The following HYDIN variants were observed in gnomAD, a reference collection of about 807,000 sequenced individuals.
HYDIN encodes axonemal central pair apparatus protein HYDIN.
In HYDIN, 132 loss-of-function variants were observed where a neutral mutation model predicts 403.9. The ratio of observed to expected loss-of-function variants is 0.33; its 90% confidence interval spans 0.28 to 0.38. HYDIN has a LOEUF of 0.38. HYDIN is among the 10% of genes least tolerant of loss of function. The pLI is 1.00. For synonymous variants in HYDIN, 1,202 were observed against 1,891.7 expected, an observed-to-expected ratio of 0.64 and a Z score of 9.46; for missense variants, 2,827 against 5,009.5, an observed-to-expected ratio of 0.56 and a Z score of 13.15.
intron 67 of HYDIN, among the ~76,000 whole-genome samples, chr16:70,864,796 G>GT (rs1218254177): frequency 6.6e-5 from 10 of 152,324 alleles, no homozygotes; most frequent in African/African-American, 2.4e-4. Context: ...GGGCCAGATA[G>GT]TAAGTTTTTT....
Position 70,882,821 on chromosome 16 carries a change from G to A in HYDIN, c.10054C>T (p.Leu3352=). The A allele has an allele frequency of 6.5e-7, 1 of 1,528,556 alleles. No homozygotes were observed. The highest frequency in any genetic ancestry group is 9.1e-7 in the Non-Finnish European group (1 of 1,101,926). 94.7% of individuals were successfully genotyped at this position (1,528,556 alleles called of 1,614,324 possible). ...AGCCCCCCGCTCTCTATGGTCTGCA[G>A]GATGTGGTGCAGGTTGGCACTGGTA... is the stretch of plus-strand genomic sequence containing the variant. ...ICTSANLHHI[L]QTIESGGLFV... The change falls in exon 60 of 86, where the codon CTG becomes TTG. Residue 3352 remains leucine, a synonymous_variant. Coordinates refer to ENST00000393567, the MANE Select transcript of HYDIN (RefSeq NM_001270974.2).
chr16:71,039,076 G>C (rs1008075840), intron 18 of HYDIN, among the ~76,000 whole-genome samples: 3 of 151,192 alleles, frequency 2.0e-5, no homozygotes, highest in Admixed American at 2.0e-4. Context: ...AGCTTTACAC[G>C]GGAGGCAATT....
At chr16:71,048,296 T>G (rs2081517953) in intron 18 of HYDIN, among the ~76,000 whole-genome samples, 1 of 144,412 alleles carries the variant, frequency 6.9e-6, no homozygotes, top group South Asian at 2.2e-4. Context: ...AGTGCTGCAG[T>G]AAGAATGTGG....
At chr16:71,027,389 T>C (rs1022217) in intron 20 of HYDIN, 5 of 1,438,968 alleles carry the variant, frequency 3.5e-6, no homozygotes, top group South Asian at 1.5e-5. Flanking sequence ...TCCTTTAAGA[T>C]TGGGTTCACA....
intron 23 of HYDIN, among the ~76,000 whole-genome samples, chr16:71,004,287 C>A (rs138360982): frequency 3.1e-3 from 459 of 149,322 alleles, no homozygotes; most frequent in African/African-American, 0.011. Context: ...GCACTCCATC[C>A]TGGGCAACAA....
In HYDIN at chr16:70,898,750, T is replaced by TC. The variant is rs1378546673; in HGVS notation, c.9048+2253_9048+2254insG. 2.0e-5 allele frequency among the ~76,000 whole-genome samples: 3 copies of TC among 151,328 alleles called. No individual in the cohort carries two copies. In the East Asian group the frequency reaches 5.8e-4, roughly 29 times the overall value. ...ATGTCAAAGAATCAGTTCAAGTATT[T>TC]TTTTTTTTTTTGAGACAGAGTCTTG... On this transcript the variant is annotated intron_variant, in intron 53 of 85. Transcript: ENST00000393567.
chr16:70,824,921 C>T (rs1404417154), intron 83 of HYDIN, among the ~76,000 whole-genome samples: 1 of 151,876 alleles, frequency 6.6e-6, no homozygotes, highest in Non-Finnish European at 1.5e-5. Flanking sequence ...GTCACCTCAG[C>T]TCACTGCAAC....
rs1616432 is a variant in HYDIN, at chr16:70,938,798, T to C, written c.6854-43A>G. 1.2e-3 allele frequency: 1,888 copies of C among 1,607,720 alleles called. 9 individuals are homozygous for C. Among genetic ancestry groups the C allele is most frequent in the African/African-American group, 9.1e-3 (677 of 74,644 alleles). On this transcript the variant is annotated intron_variant, in intron 43 of 85. Coordinates refer to ENST00000393567, the MANE Select transcript of HYDIN (RefSeq NM_001270974.2). ...ACGGGAAGGTGAGGAAAAGTCCTTC[T>C]CAGTCTCGCTAGCAGCCTAAGCAGG...
chr16:71,100,362 G>A (rs577584138), intron 10 of HYDIN, among the ~76,000 whole-genome samples: 55 of 152,210 alleles, frequency 3.6e-4, no homozygotes, highest in South Asian at 2.5e-3. Context: ...TAAACAAAAC[G>A]CCAGCAGGTA....
At position 70,991,349 on chromosome 16, in the gene HYDIN, C is replaced by T. The variant is rs1237614701; in HGVS notation, c.3833G>A (p.Arg1278Lys). Residue 1278 changes from arginine (R) to lysine (K), a missense_variant, in exon 25 of 86, where the codon AGA (arginine) becomes AAA (lysine). Coordinates refer to ENST00000393567, the MANE Select transcript of HYDIN (RefSeq NM_001270974.2). ...GATCACACTGGAAGCTTTCGTTTTTCTTAGTTCTTTTTCTTCAGGCCTGGC... is the reference window on the plus strand; with the variant it reads ...GATCACACTGGAAGCTTTCGTTTTTTTTAGTTCTTTTTCTTCAGGCCTGGC... ...EDARPEEKEL[R>K]KTKASSVISD... 12 of 1,613,762 alleles carry T rather than the reference C, an allele frequency of 7.4e-6. 1 individual carries two copies. In the South Asian group the frequency reaches 1.3e-4, roughly 18 times the overall value.
At chr16:70,900,717 G>GCTCA (rs769084219) in intron 53 of HYDIN, among the ~76,000 whole-genome samples, 10 of 150,362 alleles carry the variant, frequency 6.7e-5, no homozygotes, top group Non-Finnish European at 1.2e-4. Context: ...TTGTTCATTT[G>GCTCA]TTCATTCATT....
intron 1 of HYDIN, among the ~76,000 whole-genome samples, chr16:71,207,631 C>G (rs1005244377): frequency 6.6e-6 from 1 of 152,082 alleles, no homozygotes; most frequent in Non-Finnish European, 1.5e-5. Flanking sequence ...GAGTGGCAAG[C>G]TGAATGAAGA....
At chr16:70,826,797 A>T (rs1325173475) in intron 83 of HYDIN, among the ~76,000 whole-genome samples, 8 of 134,968 alleles carry the variant, frequency 5.9e-5, no homozygotes, top group Non-Finnish European at 1.2e-4. Context: ...TTTACTTTAA[A>T]ATGTTTCCCC....
rs1230953992 is a variant in HYDIN at position 70,805,191 on chromosome 16, C to T, written c.*2389G>A. Among the ~76,000 whole-genome samples, 2 of 152,186 alleles carry T rather than the reference C, an allele frequency of 1.3e-5. No homozygotes were observed. Among genetic ancestry groups the T allele is most frequent in the East Asian group, 3.8e-4 (2 of 5,198 alleles). ...GCAGATTTGGTAAGACTTCTCAGGACTGTAATGAAAGAGTTATGGCTGTGG... is the reference window on the plus strand; with the variant it reads ...GCAGATTTGGTAAGACTTCTCAGGATTGTAATGAAAGAGTTATGGCTGTGG... On this transcript the variant is annotated 3_prime_UTR_variant, in exon 86 of 86. Transcript: ENST00000393567.
intron 9 of HYDIN, among the ~76,000 whole-genome samples, chr16:71,117,846 A>T (rs2084099669): frequency 6.6e-6 from 1 of 152,092 alleles, no homozygotes; most frequent in Non-Finnish European, 1.5e-5. Context: ...TTTATTAATT[A>T]ACACAATCAG....
chr16:71,123,906 C>T (rs1389147444), intron 9 of HYDIN, among the ~76,000 whole-genome samples: 7 of 152,238 alleles, frequency 4.6e-5, no homozygotes, highest in African/African-American at 1.7e-4. Flanking sequence ...GCCTCCCCAG[C>T]CACATGGAAC....
At position 71,126,296 on chromosome 16, in the gene HYDIN, A is replaced by G. The variant is rs560240867; in HGVS notation, c.1227+3344T>C. 2.0e-5 allele frequency among the ~76,000 whole-genome samples: 3 copies of G among 152,310 alleles called. 1 individual carries two copies. Among genetic ancestry groups the G allele is most frequent in the Admixed American group, 2.0e-4 (3 of 15,302 alleles). ...CTTGAAGTCAAGTGTTCATGTAGGG[A>G]AAGAAGGTTGGAGATGCGTGTCGAG... On this transcript the variant is annotated intron_variant, in intron 9 of 85. Coordinates refer to ENST00000393567, the MANE Select transcript of HYDIN (RefSeq NM_001270974.2).
chr16:70,905,695 C>T (rs1299498115), intron 50 of HYDIN, among the ~76,000 whole-genome samples: 4 of 150,186 alleles, frequency 2.7e-5, no homozygotes, highest in African/African-American at 7.4e-5. Context: ...CACAGTTGTA[C>T]TGGAACTTAT....
intron 18 of HYDIN, among the ~76,000 whole-genome samples, chr16:71,058,612 A>C (rs2081978745): frequency 8.2e-6 from 1 of 122,012 alleles, no homozygotes; most frequent in African/African-American, 2.9e-5. Flanking sequence ...AAATAAATAA[A>C]TAAAATTAAA....
Sources: gnomAD v4.1 joint callset for allele counts (sites outside exome capture counted in the v4.1 genomes callset) on GRCh38, gnomAD v4.1.1 for gene constraint, MANE v1.5 for transcripts, NCBI Gene and HGNC (gene_info 2026-07-23, HGNC 2026-07-21) for gene names.